PTPN3: variants seen among roughly 807,000 people sequenced by gnomAD.
PTPN3 encodes the protein tyrosine-protein phosphatase non-receptor type 3.
In PTPN3, 96 loss-of-function variants were observed where a neutral mutation model predicts 132.7. The ratio of observed to expected loss-of-function variants is 0.72; its 90% CI spans 0.61 to 0.86. PTPN3 has a LOEUF of 0.86. Among genes scored for constraint, PTPN3 ranks in the 40% least tolerant of loss-of-function variants. PTPN3 has a pLI of 0.00. For synonymous variants in PTPN3, 398 were observed against 429.0 expected (o/e 0.93, Z 0.89); for missense variants, 1,125 against 1,159.6 (o/e 0.97, Z 0.43).
At chr9:109,441,377 C>G (rs1844456980) in intron 7 of PTPN3, among the ~76,000 whole-genome samples, 2 of 152,172 alleles carry the variant, frequency 1.3e-5, no homozygotes, top group African/African-American at 4.8e-5. Context: ...AAGACTTTTA[C>G]CTGCTATTCA....
chr9:109,480,456 G>T (rs1176276614), intron 1 of PTPN3, among the ~76,000 whole-genome samples: 1 of 152,160 alleles, frequency 6.6e-6, no homozygotes, highest in Non-Finnish European at 1.5e-5. Flanking sequence ...GAGCCACTGC[G>T]CCTGGCCTAT....
At chr9:109,524,359 T>G in the PTPN3 span, among the ~76,000 whole-genome samples, 1 of 53,480 alleles carries the variant, frequency 1.9e-5, no homozygotes. Flanking sequence ...AATGAACCTA[T>G]GAAGGAGGTA....
intron 20 of PTPN3, 80 bp from the exon 21 acceptor site, chr9:109,391,279 C>A (rs887650193): frequency 2.9e-6 from 4 of 1,402,272 alleles, no homozygotes; most frequent in Non-Finnish European, 3.0e-6. Flanking sequence ...CAGTTCCCAG[C>A]CCCATCTGCA....
At chr9:109,406,766 GCATCC>G in intron 17 of PTPN3, 148 bp from the exon 18 acceptor site, 7 of 872,122 alleles carry the variant, frequency 8.0e-6, no homozygotes, top group East Asian at 2.5e-5. Flanking sequence ...TTTGTATAAT[GCATCC>G]ACTGCTATGT....
chr9:109,406,635 AG>A lies in PTPN3; in HGVS notation c.1636-18del. The stretch of plus-strand genomic sequence containing the variant: ...GGTGTCCGCCTGGGTGGTGGGGAAA[AG>A]CGAGTTTCTCCTGTTACCATAACAC... On this transcript the variant is annotated intron_variant, in intron 17 of 25. Transcript: ENST00000374541. The A allele has an allele frequency of 6.2e-7, 1 of 1,613,432 alleles. No homozygotes were observed. The highest frequency in any genetic ancestry group is 8.5e-7 in the Non-Finnish European group (1 of 1,179,426).
chr9:109,430,600 G>T (rs999596286), intron 10 of PTPN3, among the ~76,000 whole-genome samples: 4 of 152,172 alleles, frequency 2.6e-5, no homozygotes, highest in African/African-American at 9.7e-5. Context: ...AGGCCCTGGG[G>T]ACAGAGGGAA....
chr9:109,481,437 T>G (rs1170371964), intron 1 of PTPN3, among the ~76,000 whole-genome samples: 1 of 152,218 alleles, frequency 6.6e-6, no homozygotes, highest in Non-Finnish European at 1.5e-5. Flanking sequence ...GGTCTCATGC[T>G]TCTCTGGCTG....
At chr9:109,511,514 T>C in the PTPN3 span, 10 of 153,702 alleles carry the variant, frequency 6.5e-5, no homozygotes, top group African/African-American at 1.2e-4. Context: ...ATGTTTGTCA[T>C]AGGACAGGCA....
At chr9:109,410,142 T>G in intron 15 of PTPN3, 66 bp from the exon 16 acceptor site, 1 of 1,613,350 alleles carries the variant, frequency 6.2e-7, no homozygotes, top group Middle Eastern at 1.6e-4. Context: ...GATAAGATAT[T>G]TTCATTTAGT....
At position 109,436,940 on chromosome 9, in the gene PTPN3, G is replaced by C. The variant is rs565991205; in HGVS notation, c.618C>G (p.Cys206Trp). 1.2e-6 allele frequency: 2 copies of C among 1,614,096 alleles called. No individual in the cohort carries two copies. The highest frequency in any genetic ancestry group is 1.1e-5 in the South Asian group (1 of 91,088). Residue 206 changes from cysteine (C) to tryptophan (W), a missense_variant, in exon 9 of 26, where the codon TGC (cysteine) becomes TGG (tryptophan). Physicochemically the swap from Cys to Trp is radical, Grantham distance 215. Transcript: ENST00000374541. ...SGLKQSEAES[C>W]YINIARTLDF... Reference sequence around the variant, plus strand: ...CGAGGGTCCGCGCTATGTTGATATAGCAGGATTCTGCTTCTGATTGTTTTA... The same window carrying C: ...CGAGGGTCCGCGCTATGTTGATATACCAGGATTCTGCTTCTGATTGTTTTA...
chr9:109,500,112 A>G (rs1315719575), upstream of PTPN3, among the ~76,000 whole-genome samples: 2 of 152,184 alleles, frequency 1.3e-5, no homozygotes, highest in Non-Finnish European at 1.5e-5. Context: ...GTGAATACCT[A>G]CGCTTCGATC....
At chr9:109,415,117 T>A (rs746611493) in intron 14 of PTPN3, among the ~76,000 whole-genome samples, 1 of 151,102 alleles carries the variant, frequency 6.6e-6, no homozygotes, top group Non-Finnish European at 1.5e-5. Flanking sequence ...CATCCATCCA[T>A]CCATCCATCC....
the PTPN3 span, among the ~76,000 whole-genome samples, chr9:109,538,410 A>G: frequency 6.6e-6 from 1 of 152,304 alleles, no homozygotes; most frequent in East Asian, 1.9e-4. Flanking sequence ...TCGGCTTCCA[A>G]AGTATAATGT....
At chr9:109,532,978 G>C in the PTPN3 span, 2 of 450,070 alleles carry the variant, frequency 4.4e-6, no homozygotes, top group Non-Finnish European at 6.0e-6. Context: ...TTTTTGAGAC[G>C]GGGCCTCGCT....
chr9:109,388,687 C>T (rs1428323802), intron 22 of PTPN3, among the ~76,000 whole-genome samples: 1 of 152,156 alleles, frequency 6.6e-6, no homozygotes, highest in African/African-American at 2.4e-5. Flanking sequence ...GGCAACCAAC[C>T]CTTAGGGTTA....
chr9:109,531,152 T>C, the PTPN3 span, among the ~76,000 whole-genome samples: 3 of 152,368 alleles, frequency 2.0e-5, no homozygotes, highest in East Asian at 5.8e-4. Context: ...AAATCCAATG[T>C]CATGAAGCTT....
chr9:109,478,718 CA>C (rs1487071442), intron 1 of PTPN3, among the ~76,000 whole-genome samples: 1 of 152,140 alleles, frequency 6.6e-6, no homozygotes, highest in Admixed American at 6.5e-5. Context: ...CCAGGTAGAA[CA>C]ATCTTTTACA....
chr9:109,533,376 C>T, the PTPN3 span: 1 of 680,694 alleles, frequency 1.5e-6, no homozygotes, highest in Admixed American at 2.5e-5. Flanking sequence ...GAATTCCTGA[C>T]CCCAGGTGAT....
At chr9:109,521,700 C>T in the PTPN3 span, among the ~76,000 whole-genome samples, 1 of 152,202 alleles carries the variant, frequency 6.6e-6, no homozygotes, top group Non-Finnish European at 1.5e-5. Context: ...TATTCCAACT[C>T]TGATTTAGTT....
Sources: gnomAD v4.1 joint callset for allele counts (sites outside exome capture counted in the v4.1 genomes callset) on GRCh38, gnomAD v4.1.1 for gene constraint, MANE v1.5 for transcripts, NCBI Gene and HGNC (gene_info 2026-07-23, HGNC 2026-07-21) for gene names.